HACE1: variants seen among roughly 807,000 people sequenced by gnomAD.
HACE1 encodes the protein E3 ubiquitin-protein ligase HACE1.
A neutral mutation model predicts 118.4 loss-of-function variants in HACE1; 73 were observed. The ratio of observed to expected loss-of-function variants is 0.62; its 90% confidence interval spans 0.51 to 0.75. The LOEUF (loss-of-function observed/expected upper bound fraction) is 0.75, where lower values mean the gene tolerates loss of function less well. HACE1 is among the 30% of genes least tolerant of loss of function. HACE1 has a pLI of 0.00. For missense variants in HACE1, 749 were observed against 1,102.2 expected, an observed-to-expected ratio of 0.68 and a Z score of 4.54; for synonymous variants, 368 against 374.8, an observed-to-expected ratio of 0.98 and a Z score of 0.21.
intron 3 of HACE1, 66 bp downstream of exon 3, chr6:104,850,841 T>G: frequency 2.1e-6 from 2 of 945,814 alleles, no homozygotes; most frequent in South Asian, 1.3e-5. Flanking sequence ...TGTGTGATAA[T>G]GCTGTTCAAA....
At chr6:104,733,727 T>C (rs547394592) in intron 22 of HACE1, among the ~76,000 whole-genome samples, 1 of 149,614 alleles carries the variant, frequency 6.7e-6, no homozygotes, top group South Asian at 2.1e-4. Context: ...TGTGTGCACC[T>C]GTAATTGGAG....
intron 6 of HACE1, among the ~76,000 whole-genome samples, chr6:104,822,203 T>TAAAAA (rs58454908): frequency 9.7e-6 from 1 of 102,982 alleles, no homozygotes; most frequent in Non-Finnish European, 1.8e-5. Flanking sequence ...CCGTCTCTAC[T>TAAAAA]AAAAAAAAAA....
intron 20 of HACE1, among the ~76,000 whole-genome samples, chr6:104,744,934 T>A (rs1582630015): frequency 1.3e-5 from 2 of 152,322 alleles, no homozygotes; most frequent in South Asian, 4.1e-4. Flanking sequence ...TATCTTTGGT[T>A]TACTTTATAT....
At chr6:104,788,598 T>C (rs955973178) in intron 11 of HACE1, among the ~76,000 whole-genome samples, 1 of 152,152 alleles carries the variant, frequency 6.6e-6, no homozygotes, top group African/African-American at 2.4e-5. Flanking sequence ...GTTAAAAGTT[T>C]CACAATCTTT....
intron 7 of HACE1, among the ~76,000 whole-genome samples, chr6:104,797,713 T>C (rs1769823952): frequency 6.6e-6 from 1 of 152,052 alleles, no homozygotes; most frequent in Non-Finnish European, 1.5e-5. Flanking sequence ...GCCCTCCTTC[T>C]TGTAGAAGTA....
At chr6:104,822,729 T>C (rs948963828) in intron 6 of HACE1, among the ~76,000 whole-genome samples, 6 of 150,410 alleles carry the variant, frequency 4.0e-5, no homozygotes, top group Non-Finnish European at 3.0e-5. Context: ...TGGTGGTACA[T>C]GTCTGTAATC....
In HACE1 at chr6:104,795,665, A is replaced by C; in HGVS notation, c.837T>G (p.His279Gln). The change falls in exon 10 of 24, where the codon CAT becomes CAG. Residue 279 changes from histidine to glutamine, a missense_variant. By Grantham distance (24) the His-to-Gln change is conservative. Transcript: ENST00000262903. The stretch of plus-strand genomic sequence containing the variant: ...ACTGGCTTTCACTTTGCTGAGACAA[A>C]TGCTCCAGAACTTGCCGTAACTAAA... Reference protein sequence around the residue: ...RENMLRQVLEHLSQQSESQYL... With the variant: ...RENMLRQVLEQLSQQSESQYL... The C allele has an allele frequency of 6.2e-7, 1 of 1,611,202 alleles. No homozygotes were observed. The highest frequency in any genetic ancestry group is 8.5e-7 in the Non-Finnish European group (1 of 1,177,438).
intron 1 of HACE1, among the ~76,000 whole-genome samples, chr6:104,854,430 G>T (rs907050786): frequency 3.9e-5 from 6 of 152,148 alleles, no homozygotes; most frequent in African/African-American, 1.4e-4. Context: ...CTTAGGGAAA[G>T]GTGAGTGGAA....
At chr6:104,849,651 A>ATT (rs10640271) in intron 3 of HACE1, among the ~76,000 whole-genome samples, 134,855 of 146,028 alleles carry the variant, frequency 0.92, 62,324 homozygotes, top group East Asian at 0.98. Context: ...CCTTAAACAC[A>ATT]TTTTTTTTTT....
intron 1 of HACE1, among the ~76,000 whole-genome samples, chr6:104,855,226 C>T (rs1164438653): frequency 6.6e-6 from 1 of 152,112 alleles, no homozygotes; most frequent in Non-Finnish European, 1.5e-5. Context: ...AGGCAGATCA[C>T]AAGGTCAGGA....
chr6:104,858,584 CT>C, intron 1 of HACE1: 1 of 290,044 alleles, frequency 3.4e-6, no homozygotes, highest in South Asian at 2.9e-5. Flanking sequence ...TCCCACATTT[CT>C]TTCATGACCG....
chr6:104,737,638 C>T (rs1776053437), intron 22 of HACE1, among the ~76,000 whole-genome samples: 4 of 152,180 alleles, frequency 2.6e-5, no homozygotes, highest in Admixed American at 6.5e-5. Flanking sequence ...AAAAACGGCG[C>T]ACCACGAGAT....
intron 6 of HACE1, among the ~76,000 whole-genome samples, chr6:104,811,597 G>A (rs1312639717): frequency 6.6e-6 from 1 of 152,048 alleles, no homozygotes; most frequent in Non-Finnish European, 1.5e-5. Context: ...ACACATATAT[G>A]TGGAATTATC....
chr6:104,756,802 G>A (rs908974723), intron 19 of HACE1, among the ~76,000 whole-genome samples: 11 of 152,178 alleles, frequency 7.2e-5, no homozygotes, highest in Non-Finnish European at 1.0e-4. Flanking sequence ...AAGGGAAGCC[G>A]TGACTGACTG....
chr6:104,840,628 A>C (rs1775011065), intron 5 of HACE1, among the ~76,000 whole-genome samples: 1 of 152,120 alleles, frequency 6.6e-6, no homozygotes, highest in Non-Finnish European at 1.5e-5. Flanking sequence ...CAGGAGTTCG[A>C]GATCAGCCTA....
At chr6:104,805,183 A>T (rs1305879646) in intron 7 of HACE1, among the ~76,000 whole-genome samples, 1 of 152,190 alleles carries the variant, frequency 6.6e-6, no homozygotes, top group African/African-American at 2.4e-5. Flanking sequence ...TAGAATGGCG[A>T]TCATTAAGAA....
intron 19 of HACE1, among the ~76,000 whole-genome samples, chr6:104,762,959 G>A (rs1445624414): frequency 7.5e-6 from 1 of 132,808 alleles, no homozygotes; most frequent in Non-Finnish European, 1.5e-5. Flanking sequence ...CACTGAACTC[G>A]AGCCTGGGCA....
At chr6:104,767,367 G>C (rs1330282355) in intron 19 of HACE1, among the ~76,000 whole-genome samples, 1 of 151,996 alleles carries the variant, frequency 6.6e-6, no homozygotes, top group Non-Finnish European at 1.5e-5. Context: ...AAGCTTAAAA[G>C]CTATTCCATT....
At chr6:104,800,451 C>T (rs558460386) in intron 7 of HACE1, among the ~76,000 whole-genome samples, 70 of 152,284 alleles carry the variant, frequency 4.6e-4, no homozygotes, top group African/African-American at 1.5e-3. Flanking sequence ...AACTAGGAGA[C>T]ACCTCCTAGT....
Sources: gnomAD v4.1 joint callset for allele counts (sites outside exome capture counted in the v4.1 genomes callset) on GRCh38, gnomAD v4.1.1 for gene constraint, MANE v1.5 for transcripts, NCBI Gene and HGNC (gene_info 2026-07-23, HGNC 2026-07-21) for gene names.